The following ASTN2 variants were observed in gnomAD, a reference collection of about 807,000 sequenced individuals.
ASTN2 encodes astrotactin 2.
In ASTN2, 54 loss-of-function variants were observed where a neutral mutation model predicts 139.8. That is an observed-to-expected ratio of 0.39 (90% CI 0.31 to 0.48). The LOEUF (loss-of-function observed/expected upper bound fraction) is 0.48, where lower values mean the gene tolerates loss of function less well. Among genes scored for constraint, ASTN2 ranks in the 20% least tolerant of loss-of-function variants. ASTN2 has a pLI of 0.95. For missense variants in ASTN2, 1,565 were observed against 1,725.1 expected (o/e 0.91, Z 1.64); for synonymous variants, 756 against 719.5 (o/e 1.05, Z -0.81).
intron 1 of ASTN2, among the ~76,000 whole-genome samples, chr9:117,333,421 G>C (rs897825435): frequency 1.3e-5 from 2 of 152,052 alleles, no homozygotes; most frequent in Non-Finnish European, 2.9e-5. Flanking sequence ...AACCACCCAG[G>C]TTCATTATAA....
At chr9:116,849,297 C>A (rs1482881951) in intron 11 of ASTN2, among the ~76,000 whole-genome samples, 1 of 152,134 alleles carries the variant, frequency 6.6e-6, no homozygotes, top group Non-Finnish European at 1.5e-5. Context: ...CCCTTCTCCC[C>A]AGTTCAGAGG....
chr9:117,015,466 A>G (rs1167673248), intron 6 of ASTN2, among the ~76,000 whole-genome samples: 1 of 152,156 alleles, frequency 6.6e-6, no homozygotes, highest in Admixed American at 6.5e-5. Context: ...AACAAATGTC[A>G]TGAATAAGTG....
chr9:116,776,810 T>C (rs1683812403), intron 13 of ASTN2, among the ~76,000 whole-genome samples: 1 of 152,132 alleles, frequency 6.6e-6, no homozygotes, highest in Non-Finnish European at 1.5e-5. Flanking sequence ...CTGGTGTCAA[T>C]ATTGAGTAAA....
intron 1 of ASTN2, among the ~76,000 whole-genome samples, chr9:117,293,103 A>AG (rs992186244): frequency 9.2e-5 from 14 of 152,120 alleles, no homozygotes; most frequent in African/African-American, 3.4e-4. Context: ...AAAAAAGAAA[A>AG]AAAACAACAA....
chr9:116,803,520 A>AT (rs1564276242), intron 13 of ASTN2, among the ~76,000 whole-genome samples: 60 of 4,030 alleles, frequency 0.015, no homozygotes, highest in Non-Finnish European at 0.02. Flanking sequence ...ATATATATAT[A>AT]TATTTTTTTT....
At chr9:116,995,543 G>C (rs1168614611) in intron 7 of ASTN2, among the ~76,000 whole-genome samples, 1 of 152,174 alleles carries the variant, frequency 6.6e-6, no homozygotes, top group African/African-American at 2.4e-5. Flanking sequence ...CACAATCTTT[G>C]CCTTTATAAG....
At chr9:116,857,788 T>G (rs933894630) in intron 11 of ASTN2, among the ~76,000 whole-genome samples, 2 of 152,222 alleles carry the variant, frequency 1.3e-5, no homozygotes, top group African/African-American at 4.8e-5. Context: ...TCTTTGCTAC[T>G]CTTCGCATTG....
intron 10 of ASTN2, among the ~76,000 whole-genome samples, chr9:116,884,806 C>A (rs912756319): frequency 1.0e-4 from 12 of 115,646 alleles, no homozygotes; most frequent in Admixed American, 3.5e-4. Flanking sequence ...AATATCCGCC[C>A]CCCCCCCACC....
intron 2 of ASTN2, among the ~76,000 whole-genome samples, chr9:117,266,401 T>C (rs1252891201): frequency 6.6e-6 from 1 of 152,008 alleles, no homozygotes. Flanking sequence ...TATTTTAAGA[T>C]GAAATATGAA....
chr9:117,351,525 C>A (rs1290516895), intron 1 of ASTN2, among the ~76,000 whole-genome samples: 3 of 152,120 alleles, frequency 2.0e-5, no homozygotes, highest in Non-Finnish European at 4.4e-5. Flanking sequence ...ATATCACTGC[C>A]CCCAGGAAAC....
intron 5 of ASTN2, among the ~76,000 whole-genome samples, chr9:117,067,962 A>T (rs1190564965): frequency 8.6e-6 from 1 of 116,666 alleles, no homozygotes; most frequent in African/African-American, 3.4e-5. Flanking sequence ...AACAGGGACA[A>T]TTTGACTTCC....
At chr9:116,511,250 A>G (rs1850363545) in intron 19 of ASTN2, among the ~76,000 whole-genome samples, 2 of 152,268 alleles carry the variant, frequency 1.3e-5, no homozygotes, top group East Asian at 3.9e-4. Context: ...TTCTGCATCT[A>G]TTGAGATAAT....
chr9:116,937,677 T>G (rs1835117805), intron 10 of ASTN2, among the ~76,000 whole-genome samples: 1 of 152,134 alleles, frequency 6.6e-6, no homozygotes, highest in Admixed American at 6.5e-5. Context: ...AGATATGCAT[T>G]TGAGGTTTAG....
At chr9:116,513,279 T>A (rs1850485275) in intron 19 of ASTN2, among the ~76,000 whole-genome samples, 1 of 152,198 alleles carries the variant, frequency 6.6e-6, no homozygotes, top group South Asian at 2.1e-4. Flanking sequence ...TCGCTGGATA[T>A]GAAATTCTGG....
chr9:116,499,389 T>C (rs1473376373), intron 19 of ASTN2, among the ~76,000 whole-genome samples: 1 of 152,180 alleles, frequency 6.6e-6, no homozygotes, highest in Non-Finnish European at 1.5e-5. Flanking sequence ...TGTGGACAAC[T>C]AATGTTCATC....
chr9:116,820,570 C>A, intron 12 of ASTN2, 47 bp downstream of exon 12: 1 of 1,589,726 alleles, frequency 6.3e-7, no homozygotes, highest in Non-Finnish European at 8.6e-7. Context: ...CCATGCATCC[C>A]TCACTTCTGT....
At chr9:116,464,589 T>A (rs1848596057) in intron 20 of ASTN2, among the ~76,000 whole-genome samples, 1 of 152,182 alleles carries the variant, frequency 6.6e-6, no homozygotes, top group Non-Finnish European at 1.5e-5. Flanking sequence ...CTGAAGCATA[T>A]CCCTGAGTAT....
intron 19 of ASTN2, among the ~76,000 whole-genome samples, chr9:116,532,573 T>C (rs900336814): frequency 1.2e-4 from 19 of 152,354 alleles, no homozygotes; most frequent in Middle Eastern, 3.4e-3. Context: ...TTCAGCTTTC[T>C]ACATATGGCT....
chr9:117,007,946 T>G, intron 7 of ASTN2, 146 bp downstream of exon 7: 24 of 778,596 alleles, frequency 3.1e-5, no homozygotes, highest in East Asian at 6.7e-5. Context: ...AGCACATACA[T>G]TAGTGTTTAT....
Sources: gnomAD v4.1 joint callset for allele counts (sites outside exome capture counted in the v4.1 genomes callset) on GRCh38, gnomAD v4.1.1 for gene constraint, MANE v1.5 for transcripts, NCBI Gene and HGNC (gene_info 2026-07-23, HGNC 2026-07-21) for gene names.